Variants in LRRC7 observed in about 807,000 individuals in gnomAD.
LRRC7 encodes leucine-rich repeat-containing protein 7.
LRRC7 carries 23 observed loss-of-function variants against 175.7 expected under a neutral mutation model. That is an observed-to-expected ratio of 0.13 (90% CI 0.09 to 0.19). The LOEUF is 0.19. Ranked by LOEUF, LRRC7 falls within the 10% of genes least tolerant of loss-of-function variation. The probability of loss-of-function intolerance (pLI) is 1.00; values close to 1 mark genes in which losing one functional copy is unlikely to be tolerated. For synonymous variants in LRRC7, 685 were observed against 680.9 expected, an observed-to-expected ratio of 1.01 and a Z score of -0.09; for missense variants, 1,354 against 1,904.7, an observed-to-expected ratio of 0.71 and a Z score of 5.38.
chr1:70,098,257 C>T (rs1437484129), intron 25 of LRRC7, among the ~76,000 whole-genome samples: 1 of 152,060 alleles, frequency 6.6e-6, no homozygotes, highest in Non-Finnish European at 1.5e-5. Flanking sequence ...GCATAAATGT[C>T]TTCTTTGAAA....
intron 1 of LRRC7, among the ~76,000 whole-genome samples, chr1:69,611,783 A>C (rs935785117): frequency 6.6e-6 from 1 of 152,094 alleles, no homozygotes; most frequent in African/African-American, 2.4e-5. Context: ...AAGCACAGGA[A>C]GCAACAATGT....
chr1:70,109,959 A>G (rs1237958161), intron 26 of LRRC7, among the ~76,000 whole-genome samples: 1 of 152,346 alleles, frequency 6.6e-6, no homozygotes, highest in Admixed American at 6.5e-5. Context: ...GCTTGACACA[A>G]CGTTGCAGAG....
intron 7 of LRRC7, chr1:69,874,966 T>C (rs2101592766): frequency 6.6e-6 from 1 of 152,154 alleles, no homozygotes; most frequent in East Asian, 1.9e-4. Flanking sequence ...AATTAAAAGG[T>C]ATATTGCTAT....
At chr1:69,929,263 C>T (rs1418663196) in intron 7 of LRRC7, among the ~76,000 whole-genome samples, 1 of 152,114 alleles carries the variant, frequency 6.6e-6, no homozygotes, top group African/African-American at 2.4e-5. Context: ...TATGTCTTTC[C>T]TAGACTCTTT....
chr1:69,765,480 A>G (rs1337322185), intron 3 of LRRC7, among the ~76,000 whole-genome samples: 1 of 152,086 alleles, frequency 6.6e-6, no homozygotes, highest in Non-Finnish European at 1.5e-5. Flanking sequence ...TTCTCTTGCA[A>G]TGGTCACCCA....
chr1:69,846,456 C>A (rs1192251739), intron 7 of LRRC7, among the ~76,000 whole-genome samples: 1 of 151,952 alleles, frequency 6.6e-6, no homozygotes, highest in Non-Finnish European at 1.5e-5. Context: ...AAGATAAAAA[C>A]TGCCTGCAGT....
intron 11 of LRRC7, among the ~76,000 whole-genome samples, chr1:70,004,921 T>C (rs1173431817): frequency 6.6e-6 from 1 of 152,172 alleles, no homozygotes; most frequent in Non-Finnish European, 1.5e-5. Context: ...AATTTTACAT[T>C]TTGTGGAATA....
chr1:69,994,654 C>T (rs1193090002), intron 11 of LRRC7, 21 bp downstream of exon 11: 1 of 1,557,848 alleles, frequency 6.4e-7, no homozygotes, highest in Non-Finnish European at 8.8e-7. Flanking sequence ...ACTTTTCATT[C>T]CAGTCTGCCT....
intron 7 of LRRC7, among the ~76,000 whole-genome samples, chr1:69,875,632 G>T (rs1433928896): frequency 6.6e-6 from 1 of 151,602 alleles, no homozygotes; most frequent in East Asian, 1.9e-4. Context: ...ATTCTAAGAG[G>T]AATTATGCAT....
At chr1:70,109,315 C>T (rs1665363127) in intron 26 of LRRC7, among the ~76,000 whole-genome samples, 1 of 152,110 alleles carries the variant, frequency 6.6e-6, no homozygotes, top group African/African-American at 2.4e-5. Context: ...AGCCACTGCG[C>T]CCGGCCTCTC....
chr1:69,928,305 G>A (rs1361739655), intron 7 of LRRC7, among the ~76,000 whole-genome samples: 10 of 152,196 alleles, frequency 6.6e-5, no homozygotes, highest in Admixed American at 5.9e-4. Flanking sequence ...ATCTCCAGCT[G>A]CGTGCTGGGA....
At chr1:69,942,536 A>C (rs1419660959) in intron 8 of LRRC7, among the ~76,000 whole-genome samples, 1 of 151,854 alleles carries the variant, frequency 6.6e-6, no homozygotes, top group East Asian at 1.9e-4. Context: ...TCAGGGCTGC[A>C]CTCCTTCTAA....
At chr1:70,002,391 A>G (rs1396402745) in intron 11 of LRRC7, among the ~76,000 whole-genome samples, 1 of 152,210 alleles carries the variant, frequency 6.6e-6, no homozygotes, top group Non-Finnish European at 1.5e-5. Flanking sequence ...TCATGGACAA[A>G]TAATTTTGGA....
rs777966719 is a variant in LRRC7, at chr1:70,076,325, A to G, written c.4452+27A>G. 11 of 1,605,750 alleles carry G rather than the reference A, an allele frequency of 6.9e-6. No homozygotes were observed. In the Admixed American group the frequency reaches 1.8e-4, roughly 27 times the overall value. Reference sequence around the variant, plus strand: ...TGAGAAGTGTTTCTTTATTACTGAAAAATCTTCAGGTAAGAAAAGTCCAAA... The same window carrying G: ...TGAGAAGTGTTTCTTTATTACTGAAGAATCTTCAGGTAAGAAAAGTCCAAA... On this transcript the variant is annotated intron_variant, in intron 24 of 26. Coordinates refer to ENST00000651989, the MANE Select transcript of LRRC7 (RefSeq NM_001370785.2).
intron 7 of LRRC7, among the ~76,000 whole-genome samples, chr1:69,867,425 G>C (rs138022266): frequency 1.5e-4 from 23 of 152,264 alleles, no homozygotes; most frequent in Admixed American, 2.6e-4. Context: ...AGAGCCATAC[G>C]AAAGGATTGG....
chr1:69,697,128 T>C (rs1662708637), intron 2 of LRRC7, among the ~76,000 whole-genome samples: 1 of 152,218 alleles, frequency 6.6e-6, no homozygotes, highest in South Asian at 2.1e-4. Context: ...AATCTCTATG[T>C]TTCTCATAAG....
intron 7 of LRRC7, among the ~76,000 whole-genome samples, chr1:69,861,998 G>A (rs1684409346): frequency 1.3e-5 from 2 of 152,148 alleles, no homozygotes; most frequent in Admixed American, 6.6e-5. Context: ...CTTCTCTGTT[G>A]AGATAATTCT....
rs2100937104 is a variant in LRRC7, at chr1:69,760,257, G to A, written c.167G>A (p.Arg56Gln). 3 of 1,612,728 alleles carry A rather than the reference G, an allele frequency of 1.9e-6. No homozygotes were observed. The highest frequency in any genetic ancestry group is 1.1e-5 in the South Asian group (1 of 91,050). ...IGRLVPCRCF[R>Q]GEEEIISVLD... is the part of the protein sequence containing the mutation. ...CGTCTGGTGCCATGCCGATGTTTCC[G>A]AGGTGAAGAAGAAATCATCTCAGTT... The change falls in exon 3 of 27, where the codon CGA becomes CAA. Residue 56 changes from arginine (R) to glutamine (Q), a missense_variant. Physicochemically the swap from Arg to Gln is conservative, Grantham distance 43 (BLOSUM62 1). Transcript: ENST00000651989.
chr1:69,919,239 C>T (rs1010971273), intron 7 of LRRC7: 4 of 398,084 alleles, frequency 1.0e-5, no homozygotes, highest in Non-Finnish European at 1.4e-5. Flanking sequence ...CTCAACTATT[C>T]AGTTCTGTGG....
Sources: allele counts gnomAD v4.1 joint callset (sites outside exome capture counted in the v4.1 genomes callset), GRCh38; gene constraint gnomAD v4.1.1; transcripts MANE v1.5; gene names NCBI Gene and HGNC (gene_info 2026-07-23, HGNC 2026-07-21).